Variants in SGPP2 observed in about 807,000 individuals in gnomAD.
SGPP2 encodes sphingosine 1-phosphate phosphohydrolase 2.
In SGPP2, 30 loss-of-function variants were observed where a neutral mutation model predicts 33.9. That is an observed-to-expected ratio of 0.89 (90% CI 0.66 to 1.20). SGPP2 has a LOEUF of 1.20. SGPP2 is among the 50% of genes most tolerant of loss of function. SGPP2 has a pLI of 0.00. For missense variants in SGPP2, 458 were observed against 532.1 expected, an observed-to-expected ratio of 0.86 and a Z score of 1.37; for synonymous variants, 233 against 225.0, an observed-to-expected ratio of 1.04 and a Z score of -0.32.
chr2:222,436,938 G>A (rs1487731022), intron 1 of SGPP2, among the ~76,000 whole-genome samples: 3 of 152,208 alleles, frequency 2.0e-5, no homozygotes, highest in Non-Finnish European at 2.9e-5. Flanking sequence ...GTGGAAGTCC[G>A]TGTTCCTGGG....
At chr2:222,497,171 A>G (rs1255293500) in intron 2 of SGPP2, among the ~76,000 whole-genome samples, 4 of 151,438 alleles carry the variant, frequency 2.6e-5, no homozygotes, top group African/African-American at 9.7e-5. Context: ...AATTCTACAC[A>G]TTCCTGAACT....
At chr2:222,539,074 A>G (rs982312246) in intron 4 of SGPP2, among the ~76,000 whole-genome samples, 5 of 152,150 alleles carry the variant, frequency 3.3e-5, no homozygotes, top group African/African-American at 1.2e-4. Context: ...GCATTAACTC[A>G]CAAGTTCAGA....
intron 1 of SGPP2, among the ~76,000 whole-genome samples, chr2:222,462,494 G>A (rs191706422): frequency 1.4e-4 from 21 of 152,234 alleles, no homozygotes; most frequent in African/African-American, 5.1e-4. Flanking sequence ...ATGAGGAAGT[G>A]AAACGCAGCA....
intron 2 of SGPP2, among the ~76,000 whole-genome samples, chr2:222,486,945 T>TAAA (rs1698120127): frequency 6.6e-6 from 1 of 152,234 alleles, no homozygotes; most frequent in African/African-American, 2.4e-5. Context: ...ATTAAAATTT[T>TAAA]TTTCTTAAAT....
intron 4 of SGPP2, among the ~76,000 whole-genome samples, chr2:222,525,908 GGGGCAGAA>G (rs1168499710): frequency 6.6e-6 from 1 of 152,146 alleles, no homozygotes; most frequent in Non-Finnish European, 1.5e-5. Context: ...TGGGAGAGAG[GGGGCAGAA>G]GGGCAGAAGC....
chr2:222,558,910 T>G lies in SGPP2; in HGVS notation c.*12T>G, dbSNP rs768164856. The G allele has an allele frequency of 1.3e-6, 2 of 1,592,958 alleles. No individual in the cohort carries two copies. Among genetic ancestry groups the G allele is most frequent in the African/African-American group, 2.7e-5 (2 of 74,454 alleles). Reference sequence around the variant, plus strand: ...TGGGATTACCCTGAGTCTCAAACAGTTGGAAACTAGCCCACTGGACATGAA... The same window carrying G: ...TGGGATTACCCTGAGTCTCAAACAGGTGGAAACTAGCCCACTGGACATGAA... On this transcript the variant is annotated 3_prime_UTR_variant, in exon 5 of 5. Coordinates refer to ENST00000321276, the MANE Select transcript of SGPP2 (RefSeq NM_152386.4).
intron 4 of SGPP2, among the ~76,000 whole-genome samples, chr2:222,545,100 A>G (rs187415438): frequency 2.1e-3 from 318 of 152,302 alleles, no homozygotes; most frequent in Non-Finnish European, 3.5e-3. Flanking sequence ...AGGATTTCCT[A>G]GAAGAGAGGA....
At chr2:222,512,161 G>A (rs1250504811) in intron 2 of SGPP2, among the ~76,000 whole-genome samples, 3 of 151,864 alleles carry the variant, frequency 2.0e-5, no homozygotes, top group Non-Finnish European at 2.9e-5. Context: ...ACAGGCGCCC[G>A]CCACCACGCC....
chr2:222,475,781 A>G lies in SGPP2; in HGVS notation c.378+1055A>G, dbSNP rs371737694. The stretch of plus-strand genomic sequence containing the variant: ...AGTCATTTGCAAGGCAGCAAGGCAT[A>G]CTCCAGATATGTAGGTTTGGTATCA... On this transcript the variant is annotated intron_variant, in intron 2 of 4. Coordinates refer to ENST00000321276, the MANE Select transcript of SGPP2 (RefSeq NM_152386.4). Among the ~76,000 whole-genome samples, 70 of 152,260 alleles carry G rather than the reference A, an allele frequency of 4.6e-4. 1 individual carries two copies. Among genetic ancestry groups the G allele is most frequent in the African/African-American group, 1.6e-3 (68 of 41,548 alleles).
At chr2:222,498,515 T>C (rs1314960313) in intron 2 of SGPP2, 2 of 152,086 alleles carry the variant, frequency 1.3e-5, no homozygotes, top group East Asian at 3.9e-4. Context: ...ATTCATTCAT[T>C]CATTCATTCA....
chr2:222,496,823 C>G (rs1331779114), intron 2 of SGPP2, among the ~76,000 whole-genome samples: 2 of 152,184 alleles, frequency 1.3e-5, no homozygotes, highest in Admixed American at 6.5e-5. Context: ...CCTCCTGTGT[C>G]TGCATTCCCT....
chr2:222,424,898 C>T (rs1008257534), intron 1 of SGPP2, 77 bp downstream of exon 1: 4 of 1,154,896 alleles, frequency 3.5e-6, no homozygotes, highest in East Asian at 3.3e-5. Flanking sequence ...CTCCGCCACG[C>T]GGGGCCGGCC....
At chr2:222,507,969 T>C (rs919326439) in intron 2 of SGPP2, among the ~76,000 whole-genome samples, 1 of 152,204 alleles carries the variant, frequency 6.6e-6, no homozygotes, top group Non-Finnish European at 1.5e-5. Flanking sequence ...AGCTTATGCA[T>C]GATTTTCATG....
rs540709542 is a variant in SGPP2, at chr2:222,473,460, T to G, written c.220-1108T>G. Among the ~76,000 whole-genome samples, 6 of 152,300 alleles carry G rather than the reference T, an allele frequency of 3.9e-5. No homozygotes were observed. The South Asian group carries it at 1.2e-3, about 32-fold the overall frequency. On this transcript the variant is annotated intron_variant, in intron 1 of 4. Coordinates refer to ENST00000321276, the MANE Select transcript of SGPP2 (RefSeq NM_152386.4). The stretch of plus-strand genomic sequence containing the variant: ...CATTTCTAAAGAAAATTCTTGTGAT[T>G]AGGTTGAGACCACCCAGAAAATCCA...
At chr2:222,522,693 T>C (rs768665251) in intron 3 of SGPP2, among the ~76,000 whole-genome samples, 2 of 152,068 alleles carry the variant, frequency 1.3e-5, no homozygotes, top group Admixed American at 6.5e-5. Flanking sequence ...ATTTGTTTGT[T>C]TGATTTTAAG....
At chr2:222,538,804 G>T (rs1048862760) in intron 4 of SGPP2, among the ~76,000 whole-genome samples, 1 of 152,080 alleles carries the variant, frequency 6.6e-6, no homozygotes, top group South Asian at 2.1e-4. Flanking sequence ...ACCAGATCTC[G>T]TGAGAACTCT....
intron 2 of SGPP2, among the ~76,000 whole-genome samples, chr2:222,494,286 T>A (rs1353477753): frequency 2.0e-5 from 3 of 152,318 alleles, no homozygotes; most frequent in Non-Finnish European, 4.4e-5. Context: ...AAAGATTTTT[T>A]AAAAAAATCC....
At chr2:222,488,678 C>A (rs1438050672) in intron 2 of SGPP2, among the ~76,000 whole-genome samples, 1 of 152,094 alleles carries the variant, frequency 6.6e-6, no homozygotes, top group Non-Finnish European at 1.5e-5. Context: ...GTTCAGGGCT[C>A]CCCTAGTCCA....
chr2:222,529,507 G>A (rs1334068699), intron 4 of SGPP2, among the ~76,000 whole-genome samples: 2 of 152,084 alleles, frequency 1.3e-5, no homozygotes, highest in Admixed American at 1.3e-4. Context: ...GCTAATTTTT[G>A]TATTTTTAGT....
Sources: allele counts gnomAD v4.1 joint callset (sites outside exome capture counted in the v4.1 genomes callset), GRCh38; gene constraint gnomAD v4.1.1; transcripts MANE v1.5; gene names NCBI Gene and HGNC (gene_info 2026-07-23, HGNC 2026-07-21).